NR2C2AP: variants seen among roughly 807,000 people sequenced by gnomAD.
NR2C2AP encodes nuclear receptor 2C2-associated protein.
NR2C2AP carries 13 observed loss-of-function variants against 19.1 expected under a neutral mutation model. The ratio of observed to expected loss-of-function variants is 0.68; its 90% CI spans 0.44 to 1.08. The LOEUF (loss-of-function observed/expected upper bound fraction) is 1.08, where lower values mean the gene tolerates loss of function less well. Among genes scored for constraint, NR2C2AP ranks in the 50% least tolerant of loss-of-function variants. NR2C2AP has a pLI of 0.00. For missense variants in NR2C2AP, 181 were observed against 172.7 expected (o/e 1.05, Z -0.27); for synonymous variants, 81 against 64.4 (o/e 1.26, Z -1.23).
chr19:19,202,384 G>C lies in NR2C2AP; in HGVS notation c.250C>G (p.Gln84Glu), dbSNP rs1568587181. Residue 84 changes from glutamine to glutamate, a missense_variant, in exon 4 of 5, where the codon CAG becomes GAG. Physicochemically the swap from Gln to Glu is conservative, Grantham distance 29. Coordinates refer to ENST00000331552, the MANE Select transcript of NR2C2AP (RefSeq NM_176880.6). The part of the protein sequence containing the change: ...RGCLEGSQGT[Q>E]ALHKIVDFYP... The stretch of plus-strand genomic sequence containing the variant: ...AAATCTACAATCTTGTGGAGAGCCT[G>C]AGTGCCCTGTGAACCTTCAGCAGAG... The C allele has an allele frequency of 1.1e-5, 17 of 1,614,188 alleles. No homozygotes were observed. The highest frequency in any genetic ancestry group is 1.7e-5 in the Admixed American group (1 of 60,008).
chr19:19,202,580 A>G lies in NR2C2AP; in HGVS notation c.130-5T>C. On this transcript the variant is annotated splice_region_variant and splice_polypyrimidine_tract_variant and intron_variant, in intron 2 of 4. Coordinates refer to ENST00000331552, the MANE Select transcript of NR2C2AP (RefSeq NM_176880.6). The stretch of plus-strand genomic sequence containing the variant: ...CGTCACCCACTGGGAGGGGCCCTGG[A>G]AGCAGACAGGGAAACTGAGGCGCAA... 6.2e-7 allele frequency: 1 copy of G among 1,610,700 alleles called. No individual in the cohort carries two copies.
Position 19,201,646 on chromosome 19 carries a change from C to T in NR2C2AP, c.*279G>A, listed in dbSNP as rs745656088. On this transcript the variant is annotated 3_prime_UTR_variant, in exon 5 of 5. Transcript: ENST00000331552. ...AGCCCACCTTTTCCCTGCCCCATCT[C>T]AGTGCAACAGGTGATCGAGAACCAC... is the stretch of plus-strand genomic sequence containing the variant. The T allele has an allele frequency of 6.2e-7, 1 of 1,614,134 alleles. No homozygotes were observed. Among genetic ancestry groups the T allele is most frequent in the South Asian group, 1.1e-5 (1 of 91,082 alleles).
intron 4 of NR2C2AP, 67 bp downstream of exon 4, chr19:19,202,252 AGGGTTCCCATTC>A (rs766014916): frequency 2.1e-5 from 30 of 1,399,694 alleles, no homozygotes; most frequent in Non-Finnish European, 2.7e-5. Flanking sequence ...ATCACACATC[AGGGTTCCCATTC>A]GGGTTTGGGT....
chr19:19,202,113 C>T, intron 4 of NR2C2AP, 72 bp from the exon 5 acceptor site: 2 of 1,527,858 alleles, frequency 1.3e-6, no homozygotes, highest in East Asian at 2.2e-5. Context: ...CCTTCCAGAC[C>T]CAGCTCACAC....
chr19:19,202,667 G>A lies in NR2C2AP; in HGVS notation c.130-92C>T, dbSNP rs961106657. The A allele has an allele frequency of 1.2e-5, 17 of 1,404,670 alleles. No homozygotes were observed. In the African/African-American group the frequency reaches 1.4e-4, roughly 12 times the overall value. 87.0% of individuals were successfully genotyped at this position (1,404,670 alleles called of 1,614,324 possible). ...CATTCACATAGTTCTTGGAATGGAG[G>A]GGAAGAAGGAAATTCGGCACATGTT... On this transcript the variant is annotated intron_variant, in intron 2 of 4. Transcript: ENST00000331552.
rs1024415927 is a variant in NR2C2AP at position 19,203,413 on chromosome 19, G to A, written c.-353C>T. Reference sequence around the variant, plus strand: ...GAGCCAAATCTTGGGACCCGGAACCGCGTGGGCTTGGCGCATGCGTGTTGT... The same window carrying A: ...GAGCCAAATCTTGGGACCCGGAACCACGTGGGCTTGGCGCATGCGTGTTGT... On this transcript the variant is annotated 5_prime_UTR_variant, in exon 1 of 5. Coordinates refer to ENST00000331552, the MANE Select transcript of NR2C2AP (RefSeq NM_176880.6). 1 of 390,940 alleles carries A rather than the reference G, an allele frequency of 2.6e-6. No individual in the cohort carries two copies. 24.2% of individuals were successfully genotyped at this position (390,940 alleles called of 1,614,324 possible). A position where few individuals can be genotyped will look rare whatever the true frequency, so the allele number is the denominator to read the frequency against.
chr19:19,203,019 T>C lies in NR2C2AP; in HGVS notation c.38+4A>G. Reference sequence around the variant, plus strand: ...CGCCACTGCCTGTCCCCACAGACTCTTACCTGCTCACTGTCTCTGGACAAA... The same window carrying C: ...CGCCACTGCCTGTCCCCACAGACTCCTACCTGCTCACTGTCTCTGGACAAA... On this transcript the variant is annotated splice_donor_region_variant and intron_variant, in intron 1 of 4. Coordinates refer to ENST00000331552, the MANE Select transcript of NR2C2AP (RefSeq NM_176880.6). 2 of 1,614,160 alleles carry C rather than the reference T, an allele frequency of 1.2e-6. No individual in the cohort carries two copies. The highest frequency in any genetic ancestry group is 1.6e-4 in the Middle Eastern group (1 of 6,062).
Position 19,201,476 on chromosome 19 carries a change from A to G in NR2C2AP, c.*449T>C. ...TACAAAAGTGCATTTTTACAAACTT[A>G]GGGGAAGTTGAGGTTCCTGGGGTGA... On this transcript the variant is annotated 3_prime_UTR_variant, in exon 5 of 5. Coordinates refer to ENST00000331552, the MANE Select transcript of NR2C2AP (RefSeq NM_176880.6). The G allele has an allele frequency of 1.3e-6, 2 of 1,579,712 alleles. No homozygotes were observed. The highest frequency in any genetic ancestry group is 1.7e-6 in the Non-Finnish European group (2 of 1,170,714).
At chr19:19,202,738 G>C (rs2060738902) in intron 2 of NR2C2AP, 53 bp downstream of exon 2, 1 of 1,546,792 alleles carries the variant, frequency 6.5e-7, no homozygotes, top group Admixed American at 1.7e-5. Context: ...CTCAAGGCAT[G>C]AGATCTGAAT....
rs144070913 is a variant in NR2C2AP, at chr19:19,201,916, C to T, written c.*9G>A. On this transcript the variant is annotated 3_prime_UTR_variant, in exon 5 of 5. Coordinates refer to ENST00000331552, the MANE Select transcript of NR2C2AP (RefSeq NM_176880.6). ...GAGGGCTTCCTGGAGGAGACAGCCC[C>T]TAGAGGTCTCACACCTTCTCCCCAA... The T allele has an allele frequency of 1.2e-6, 2 of 1,614,022 alleles. No individual in the cohort carries two copies. The highest frequency in any genetic ancestry group is 8.5e-7 in the Non-Finnish European group (1 of 1,180,026).
chr19:19,201,815 G>T lies in NR2C2AP; in HGVS notation c.*110C>A. The T allele has an allele frequency of 6.2e-7, 1 of 1,612,252 alleles. No individual in the cohort carries two copies. Among genetic ancestry groups the T allele is most frequent in the South Asian group, 1.1e-5 (1 of 90,918 alleles). On this transcript the variant is annotated 3_prime_UTR_variant, in exon 5 of 5. Coordinates refer to ENST00000331552, the MANE Select transcript of NR2C2AP (RefSeq NM_176880.6). ...GACTTCAAAGGCAGCTTCTGGACAG[G>T]TGGTGGGAGGGGACCCTTCCCAAGA...
At chr19:19,202,269 T>C in intron 4 of NR2C2AP, 62 bp downstream of exon 4, 1 of 1,520,990 alleles carries the variant, frequency 6.6e-7, no homozygotes, top group East Asian at 2.3e-5. Flanking sequence ...CCATTCGGGT[T>C]TGGGTGAGTC....
Position 19,203,199 on chromosome 19 carries a change from A to G in NR2C2AP, c.-139T>C. The G allele has an allele frequency of 1.2e-6, 1 of 805,078 alleles. No individual in the cohort carries two copies. The highest frequency in any genetic ancestry group is 2.1e-6 in the Non-Finnish European group (1 of 479,948). 49.9% of individuals were successfully genotyped at this position (805,078 alleles called of 1,614,324 possible). On this transcript the variant is annotated 5_prime_UTR_variant, in exon 1 of 5. Transcript: ENST00000331552. ...TCCTCACCTGTAACTTGGGACGAGA[A>G]CCGCCACTCCCTCGCCCACCCCAGT...
chr19:19,203,017 T>A lies in NR2C2AP; in HGVS notation c.38+6A>T, dbSNP rs2060741863. On this transcript the variant is annotated splice_donor_region_variant and intron_variant, in intron 1 of 4. Transcript: ENST00000331552. ...CTCGCCACTGCCTGTCCCCACAGACTCTTACCTGCTCACTGTCTCTGGACA... is the reference window on the plus strand; with the variant it reads ...CTCGCCACTGCCTGTCCCCACAGACACTTACCTGCTCACTGTCTCTGGACA... 3 of 1,613,984 alleles carry A rather than the reference T, an allele frequency of 1.9e-6. No homozygotes were observed. The Admixed American group carries it at 5.0e-5, about 27-fold the overall frequency.
At chr19:19,202,128 C>T in intron 4 of NR2C2AP, 87 bp from the exon 5 acceptor site, 1 of 1,430,650 alleles carries the variant, frequency 7.0e-7, no homozygotes, top group South Asian at 1.2e-5. Flanking sequence ...TCACACTCCA[C>T]CGATGTGGGC....
At chr19:19,202,218 A>C in intron 4 of NR2C2AP, 113 bp downstream of exon 4, 1 of 1,208,778 alleles carries the variant, frequency 8.3e-7, no homozygotes, top group Non-Finnish European at 1.2e-6. Flanking sequence ...GAAAAAGTGG[A>C]GTCCTAGAGG....
intron 1 of NR2C2AP, 38 bp from the exon 2 acceptor site, chr19:19,202,919 G>C (rs751388697): frequency 3.7e-6 from 6 of 1,609,180 alleles, no homozygotes; most frequent in Non-Finnish European, 4.3e-6. Flanking sequence ...GAGGGGCTGA[G>C]ACCAGCTCTC....
At position 19,203,202 on chromosome 19, in the gene NR2C2AP, G is replaced by A; in HGVS notation, c.-142C>T. The A allele has an allele frequency of 1.3e-6, 1 of 794,134 alleles. No homozygotes were observed. The highest frequency in any genetic ancestry group is 2.1e-6 in the Non-Finnish European group (1 of 468,224). 49.2% of individuals were successfully genotyped at this position (794,134 alleles called of 1,614,324 possible). On this transcript the variant is annotated 5_prime_UTR_variant, in exon 1 of 5. Coordinates refer to ENST00000331552, the MANE Select transcript of NR2C2AP (RefSeq NM_176880.6). ...TCACCTGTAACTTGGGACGAGAACC[G>A]CCACTCCCTCGCCCACCCCAGTCCT...
rs767526239 is a variant in NR2C2AP, at chr19:19,203,022, C to T, written c.38+1G>A. ...CACTGCCTGTCCCCACAGACTCTTA[C>T]CTGCTCACTGTCTCTGGACAAACCA... On this transcript the variant is annotated splice_donor_variant, in intron 1 of 4. Coordinates refer to ENST00000331552, the MANE Select transcript of NR2C2AP (RefSeq NM_176880.6). LOFTEE classifies it high-confidence loss of function. 14 of 1,614,008 alleles carry T rather than the reference C, an allele frequency of 8.7e-6. No homozygotes were observed. Among genetic ancestry groups the T allele is most frequent in the Non-Finnish European group, 1.2e-5 (14 of 1,180,006 alleles).
Sources: gnomAD v4.1 joint callset for allele counts on GRCh38, gnomAD v4.1.1 for gene constraint, MANE v1.5 for transcripts, NCBI Gene and HGNC (gene_info 2026-07-23, HGNC 2026-07-21) for gene names.